The following ZNF337 variants were observed in gnomAD, a reference collection of about 807,000 sequenced individuals.
ZNF337 encodes the protein zinc finger protein 337.
In ZNF337, 8 loss-of-function variants were observed where a neutral mutation model predicts 12.1. That is an observed-to-expected ratio of 0.66 (90% CI 0.39 to 1.19). ZNF337 has a LOEUF of 1.19. ZNF337 is among the 50% of genes most tolerant of loss of function. The probability of loss-of-function intolerance (pLI) is 0.01; values close to 1 mark genes in which losing one functional copy is unlikely to be tolerated. For missense variants in ZNF337, 882 were observed against 896.6 expected (o/e 0.98, Z 0.21); for synonymous variants, 336 against 320.0 (o/e 1.05, Z -0.53).
intron 1 of ZNF337, among the ~76,000 whole-genome samples, chr20:25,688,833 AGGGTAAGTATCTCTGCCG>A (rs369712537): frequency 1.5e-4 from 23 of 152,166 alleles, no homozygotes; most frequent in African/African-American, 5.3e-4. Flanking sequence ...AGGTTAAGTA[AGGGTAAGTATCTCTGCCG>A]GGCGCGGTGG....
rs2065649130 is a variant in ZNF337, at chr20:25,674,262, T to G, written c.*770A>C. 1 of 152,198 alleles carries G rather than the reference T, an allele frequency of 6.6e-6. No individual in the cohort carries two copies. The highest frequency in any genetic ancestry group is 6.5e-5 in the Admixed American group (1 of 15,274). 9.4% of individuals were successfully genotyped at this position (152,198 alleles called of 1,614,324 possible). ...CCCAGAGTTCTGGAGGCTGGGAAGT[T>G]CAACATCAAAACATCAGTAGGTGCA... On this transcript the variant is annotated 3_prime_UTR_variant, in exon 5 of 5. Coordinates refer to ENST00000252979, the MANE Select transcript of ZNF337 (RefSeq NM_015655.4).
rs1303161979 is a variant in ZNF337 at position 25,676,789 on chromosome 20, T to C, written c.499A>G (p.Lys167Glu). 2.5e-6 allele frequency: 4 copies of C among 1,614,096 alleles called. No homozygotes were observed. The highest frequency in any genetic ancestry group is 1.7e-5 in the Admixed American group (1 of 60,004). ...GAATTTTCTATTCCTTTCAATACTTTGTCTATTTCTGTAGGATTTTCCCTC... is the reference window on the plus strand; with the variant it reads ...GAATTTTCTATTCCTTTCAATACTTCGTCTATTTCTGTAGGATTTTCCCTC... ...GQRENPTEID[K>E]VLKGIENSRW... The change falls in exon 5 of 5, where the codon AAA (lysine) becomes GAA (glutamate). Residue 167 changes from lysine to glutamate, a missense_variant. Lys to Glu is a moderately conservative substitution (Grantham distance 56). Coordinates refer to ENST00000252979, the MANE Select transcript of ZNF337 (RefSeq NM_015655.4).
At position 25,675,082 on chromosome 20, in the gene ZNF337, A is replaced by T; in HGVS notation, c.2206T>A (p.Leu736Ile). 6.2e-7 allele frequency: 1 copy of T among 1,613,082 alleles called. No homozygotes were observed. The highest frequency in any genetic ancestry group is 8.5e-7 in the Non-Finnish European group (1 of 1,179,642). The change falls in exon 5 of 5, where the codon TTA becomes ATA. Residue 736 changes from leucine (L) to isoleucine (I), a missense_variant. Transcript: ENST00000252979. ...CCTGTACAAAAACGCTTCTCACGTA[A>T]GTGTCTCTTTAAGTGCTTACTGTAG... ...SYYSKHLKRH[L>I]REKRFCTGSV...
chr20:25,696,285 G>A (rs909448084), intron 1 of ZNF337, among the ~76,000 whole-genome samples: 41 of 152,112 alleles, frequency 2.7e-4, no homozygotes, highest in African/African-American at 9.2e-4. Context: ...CAGAGTCGGA[G>A]GGAACCCGAG....
At chr20:25,691,731 G>A (rs1480360022) in intron 1 of ZNF337, among the ~76,000 whole-genome samples, 1 of 152,134 alleles carries the variant, frequency 6.6e-6, no homozygotes, top group East Asian at 1.9e-4. Flanking sequence ...ACTGTTCTCA[G>A]AAAGGCTCAG....
In ZNF337 at chr20:25,676,935, G is replaced by C; in HGVS notation, c.353C>G (p.Ala118Gly). The C allele has an allele frequency of 6.2e-7, 1 of 1,614,076 alleles. No homozygotes were observed. Among genetic ancestry groups the C allele is most frequent in the Non-Finnish European group, 8.5e-7 (1 of 1,180,028 alleles). Residue 118 changes from alanine to glycine, a missense_variant, in exon 5 of 5, where the codon GCT becomes GGT. Coordinates refer to ENST00000252979, the MANE Select transcript of ZNF337 (RefSeq NM_015655.4). ...FSDQSFQSDT[A>G]EGQEKEKSTK... ...GCTTTTTTCTTTCTCTTGACCTTCA[G>C]CTGTGTCACTCTGGAAGCTTTGATC...
intron 1 of ZNF337, among the ~76,000 whole-genome samples, chr20:25,688,595 T>C (rs2065854943): frequency 1.3e-5 from 2 of 152,232 alleles, no homozygotes; most frequent in African/African-American, 4.8e-5. Context: ...TTCTTTCTAT[T>C]CCTCATTTAC....
At chr20:25,692,724 T>C (rs942926020) in intron 1 of ZNF337, among the ~76,000 whole-genome samples, 1 of 152,160 alleles carries the variant, frequency 6.6e-6, no homozygotes, top group Admixed American at 6.5e-5. Flanking sequence ...TAATATCCTG[T>C]AGGAACAGAA....
chr20:25,673,374 G>T lies in ZNF337; in HGVS notation c.*1658C>A, dbSNP rs1464528623. ...ATCTTCCCTGTGCTGGACAAGGGTT[G>T]TGTGCAGCTATGTAGGGCACATGCT... is the stretch of plus-strand genomic sequence containing the variant. On this transcript the variant is annotated 3_prime_UTR_variant, in exon 5 of 5. Transcript: ENST00000252979. 1.3e-5 allele frequency among the ~76,000 whole-genome samples: 2 copies of T among 152,204 alleles called. No homozygotes were observed. The highest frequency in any genetic ancestry group is 3.8e-4 in the East Asian group (2 of 5,198).
At chr20:25,684,131 C>G (rs538650313) in intron 4 of ZNF337, among the ~76,000 whole-genome samples, 71 of 143,210 alleles carry the variant, frequency 5.0e-4, no homozygotes, top group African/African-American at 1.5e-3. Context: ...CATGTTCTCA[C>G]TCATAGATGG....
At chr20:25,682,161 C>T (rs2065776041) in intron 4 of ZNF337, among the ~76,000 whole-genome samples, 1 of 151,996 alleles carries the variant, frequency 6.6e-6, no homozygotes, top group Non-Finnish European at 1.5e-5. Flanking sequence ...ATGAGGGTTA[C>T]AGTCACCAAA....
At chr20:25,696,212 T>C (rs2122490549) in intron 1 of ZNF337, among the ~76,000 whole-genome samples, 1 of 150,860 alleles carries the variant, frequency 6.6e-6, no homozygotes, top group South Asian at 2.1e-4. Context: ...GCAGCGGCCC[T>C]TCCCCAAAAC....
intron 1 of ZNF337, among the ~76,000 whole-genome samples, chr20:25,695,022 G>A (rs979467148): frequency 1.8e-4 from 28 of 152,166 alleles, no homozygotes; most frequent in African/African-American, 6.5e-4. Context: ...TGTAATCCCA[G>A]CACTTTGGGA....
chr20:25,677,012 C>T lies in ZNF337; in HGVS notation c.276G>A (p.Arg92=), dbSNP rs747923455. ...CAGIYAEHVL[R]PKNLGLAHQR... The stretch of plus-strand genomic sequence containing the variant: ...GATGTGCAAGTCCAAGATTCTTGGG[C>T]CGCAGGACATGTTCTGCATATATTC... The change falls in exon 5 of 5, where the codon CGG becomes CGA. Residue 92 remains arginine (R), a synonymous_variant. Coordinates refer to ENST00000252979, the MANE Select transcript of ZNF337 (RefSeq NM_015655.4). 2 of 1,612,034 alleles carry T rather than the reference C, an allele frequency of 1.2e-6. No homozygotes were observed. Among genetic ancestry groups the T allele is most frequent in the Admixed American group, 1.7e-5 (1 of 59,716 alleles).
At chr20:25,696,087 T>TAC (rs1491195722) in intron 1 of ZNF337, among the ~76,000 whole-genome samples, 2 of 52,108 alleles carry the variant, frequency 3.8e-5, no homozygotes, top group African/African-American at 6.3e-5. Context: ...CCCACGCAGA[T>TAC]CCCCCCCCCC....
At chr20:25,679,656 TAAC>T (rs958722837) in intron 4 of ZNF337, among the ~76,000 whole-genome samples, 3 of 151,562 alleles carry the variant, frequency 2.0e-5, no homozygotes, top group Admixed American at 2.0e-4. Context: ...AGAGAAAAAA[TAAC>T]AAATAATGGC....
chr20:25,696,429 C>A (rs2065929899), intron 1 of ZNF337, among the ~76,000 whole-genome samples: 1 of 152,166 alleles, frequency 6.6e-6, no homozygotes, highest in East Asian at 1.9e-4. Flanking sequence ...CGTCCCCACC[C>A]GAGGAGCGGC....
chr20:25,690,198 T>A (rs2065872964), intron 1 of ZNF337, among the ~76,000 whole-genome samples: 1 of 152,056 alleles, frequency 6.6e-6, no homozygotes, highest in Non-Finnish European at 1.5e-5. Flanking sequence ...GCCCAAGAGG[T>A]TGAGGCAGCA....
Position 25,676,124 on chromosome 20 carries a change from T to A in ZNF337, c.1164A>T (p.Lys388Asn). The A allele has an allele frequency of 6.3e-7, 1 of 1,595,094 alleles. No homozygotes were observed. Among genetic ancestry groups the A allele is most frequent in the East Asian group, 2.3e-5 (1 of 43,872 alleles). ...TTCTCTGGTGTCTGAGGAGACTTCC[T>A]TTCACGCTAAAACTTTGCTTACACT... ...CRQCKQSFSV[K>N]GSLLRHQRTH... Residue 388 changes from lysine (K) to asparagine (N), a missense_variant, in exon 5 of 5, where the codon AAA becomes AAT. Coordinates refer to ENST00000252979, the MANE Select transcript of ZNF337 (RefSeq NM_015655.4).
Sources: allele counts gnomAD v4.1 joint callset (sites outside exome capture counted in the v4.1 genomes callset), GRCh38; gene constraint gnomAD v4.1.1; transcripts MANE v1.5; gene names NCBI Gene and HGNC (gene_info 2026-07-23, HGNC 2026-07-21).